The following BLCAP variants were observed in gnomAD, a reference collection of about 807,000 sequenced individuals.
BLCAP encodes the protein apoptosis inducing factor BLCAP.
A neutral mutation model predicts 5.7 loss-of-function variants in BLCAP; 1 was observed. The ratio of observed to expected loss-of-function variants is 0.18; its 90% CI spans 0.06 to 0.83. The LOEUF is 0.83. Among genes scored for constraint, BLCAP ranks in the 40% least tolerant of loss-of-function variants. The pLI, the probability that BLCAP is intolerant of heterozygous loss-of-function variation, is 0.71. For synonymous variants in BLCAP, 48 were observed against 49.4 expected (o/e 0.97, Z 0.11); for missense variants, 66 against 107.6 (o/e 0.61, Z 1.71).
At chr20:37,522,989 G>A in intron 1 of BLCAP, 1 of 486,894 alleles carries the variant, frequency 2.1e-6, no homozygotes, top group South Asian at 3.5e-5. Context: ...CTAAGGGGCA[G>A]GGTCGAGAGA....
intron 1 of BLCAP, among the ~76,000 whole-genome samples, chr20:37,524,195 G>A (rs1296729794): frequency 1.3e-5 from 2 of 152,118 alleles, no homozygotes; most frequent in East Asian, 1.9e-4. Flanking sequence ...GCAGCGTGGC[G>A]CCTTCTTCAC....
At chr20:37,522,379 T>C (rs2147190557) in intron 1 of BLCAP, 1 of 1,613,922 alleles carries the variant, frequency 6.2e-7, no homozygotes, top group Non-Finnish European at 8.5e-7. Flanking sequence ...ATGCTGCATT[T>C]ACTGGGTAGG....
rs935902694 is a variant in BLCAP at position 37,518,096 on chromosome 20, G to C, written c.*815C>G. On this transcript the variant is annotated 3_prime_UTR_variant, in exon 2 of 2. Transcript: ENST00000373537. ...CTCAGCTGGGGACTGCTAGAACTAC[G>C]TGAACACACCATACTTCAATGCTGC... The C allele has an allele frequency of 3.3e-5, 5 of 152,270 alleles. No homozygotes were observed. Among genetic ancestry groups the C allele is most frequent in the Non-Finnish European group, 5.9e-5 (4 of 68,090 alleles). The allele number at this position is 152,270 out of a possible 1,614,324, so 9.4% of individuals were successfully genotyped here.
In BLCAP at chr20:37,527,829, C is replaced by A. The variant is rs1324192736; in HGVS notation, c.-213G>T. 6.6e-6 allele frequency: 1 copy of A among 152,570 alleles called. No homozygotes were observed. The highest frequency in any genetic ancestry group is 2.4e-5 in the African/African-American group (1 of 41,476). The allele number at this position is 152,570 out of a possible 1,614,324, so 9.5% of individuals were successfully genotyped here. On this transcript the variant is annotated 5_prime_UTR_variant, in exon 1 of 2. Transcript: ENST00000373537. The stretch of plus-strand genomic sequence containing the variant: ...GCCATGGCGCCGCCGCCACTGTCGC[C>A]GTCTGCCGCAGCCTGCCTCCACCTC...
chr20:37,527,540 G>A (rs1011938547), intron 1 of BLCAP: 15 of 152,382 alleles, frequency 9.8e-5, no homozygotes, highest in African/African-American at 3.1e-4. Context: ...CTTGGACAAG[G>A]CCAGAGCCAG....
chr20:37,522,633 C>A, intron 1 of BLCAP: 1 of 1,584,164 alleles, frequency 6.3e-7, no homozygotes. Flanking sequence ...TGGGTGCTCT[C>A]CACTAAGGGT....
At chr20:37,522,445 C>T (rs952241675) in intron 1 of BLCAP, 1 of 1,612,558 alleles carries the variant, frequency 6.2e-7, no homozygotes, top group African/African-American at 1.3e-5. Flanking sequence ...TGAGGTATAC[C>T]TAAGTTGTGG....
rs1045750482 is a variant in BLCAP, at chr20:37,521,595, TC to T, written c.-176-2246del. 1.6e-4 allele frequency: 96 copies of T among 591,924 alleles called. No individual in the cohort carries two copies. The African/African-American group carries it at 1.8e-3, about 11-fold the overall frequency. 36.7% of individuals were successfully genotyped at this position (591,924 alleles called of 1,614,324 possible). A position where few individuals can be genotyped will look rare whatever the true frequency, so the allele number is the denominator to read the frequency against. ...TGCGCCGTCCTCCTCGCGCTGACCC[TC>T]CCTAGTGCGCCCGCGCCTGCCAGGG... On this transcript the variant is annotated intron_variant, in intron 1 of 1. Coordinates refer to ENST00000373537, the MANE Select transcript of BLCAP (RefSeq NM_006698.4). This position sits in a 1 kb window ranked among gnomAD's most constrained non-coding sequence, Gnocchi z 4.5.
In BLCAP at chr20:37,517,805, T is replaced by C. The variant is rs890015847; in HGVS notation, c.*1106A>G. The C allele has an allele frequency of 2.0e-5, 3 of 152,636 alleles. No homozygotes were observed. The highest frequency in any genetic ancestry group is 2.0e-4 in the Admixed American group (3 of 15,272). 9.5% of individuals were successfully genotyped at this position (152,636 alleles called of 1,614,324 possible). ...CTGGCGGGAGGATGATGGCCACTGC[T>C]CCCCTCTGTCTTGTCTGAACCACCT... On this transcript the variant is annotated 3_prime_UTR_variant, in exon 2 of 2. Coordinates refer to ENST00000373537, the MANE Select transcript of BLCAP (RefSeq NM_006698.4).
In BLCAP at chr20:37,518,943, A is replaced by G. The variant is rs569419990; in HGVS notation, c.232T>C (p.Ser78Pro). ...CCCACAACGCCGGGATCATGCGCCG[A>G]TTCTGGAAGCGGGGAATCGGAGCAG... is the stretch of plus-strand genomic sequence containing the variant. ...YHCSDSPLPE[S>P]AHDPGVVGT The change falls in exon 2 of 2, where the codon TCG (serine) becomes CCG (proline). Residue 78 changes from serine (S) to proline (P), a missense_variant. Transcript: ENST00000373537. 1.1e-5 allele frequency: 17 copies of G among 1,614,074 alleles called. No individual in the cohort carries two copies. The highest frequency in any genetic ancestry group is 1.2e-5 in the Non-Finnish European group (14 of 1,180,042).
At chr20:37,522,541 C>T in intron 1 of BLCAP, 1 of 1,388,752 alleles carries the variant, frequency 7.2e-7, no homozygotes, top group Non-Finnish European at 9.9e-7. Context: ...GCGCCCGCGC[C>T]CGCCTCTCCA....
rs1378229474 is a variant in BLCAP at position 37,525,914 on chromosome 20, C to T, written c.-177+1879G>A. 1.3e-5 allele frequency among the ~76,000 whole-genome samples: 2 copies of T among 152,174 alleles called. 1 individual carries two copies. The highest frequency in any genetic ancestry group is 4.1e-4 in the South Asian group (2 of 4,830). ...TCGGTTGGGAAGGAATTGGGAATAG[C>T]TCTGTGGGACTCCAGCAACAGGTGA... On this transcript the variant is annotated intron_variant, in intron 1 of 1. Coordinates refer to ENST00000373537, the MANE Select transcript of BLCAP (RefSeq NM_006698.4).
Position 37,521,821 on chromosome 20 carries a change from TA to T in BLCAP, c.-176-2472del. ...TTGCGCATTGCGGAGAAATTTTATTTAAAAAAACATATAGCGCTTGCGGGGG... is the reference window on the plus strand; with the variant it reads ...TTGCGCATTGCGGAGAAATTTTATTTAAAAAACATATAGCGCTTGCGGGGG... On this transcript the variant is annotated intron_variant, in intron 1 of 1. Transcript: ENST00000373537. This position sits in a 1 kb window ranked among gnomAD's most constrained non-coding sequence, Gnocchi z 4.5. 1 of 160,682 alleles carries T rather than the reference TA, an allele frequency of 6.2e-6. No individual in the cohort carries two copies. Among genetic ancestry groups the T allele is most frequent in the Non-Finnish European group, 1.3e-5 (1 of 75,090 alleles). 10.0% of individuals were successfully genotyped at this position (160,682 alleles called of 1,614,324 possible). A position where few individuals can be genotyped will look rare whatever the true frequency, so the allele number is the denominator to read the frequency against.
At chr20:37,526,271 T>TCCCCCCCCCCCCCCCCCCCCCCCCCCC (rs11477433) in intron 1 of BLCAP, among the ~76,000 whole-genome samples, 6 of 125,180 alleles carry the variant, frequency 4.8e-5, no homozygotes, top group African/African-American at 9.1e-5. Context: ...GCAGTTAACT[T>TCCCCCCCCCCCCCCCCCCCCCCCCCCC]CCCCCCCCCA....
At chr20:37,524,027 G>C (rs952493874) in intron 1 of BLCAP, among the ~76,000 whole-genome samples, 15 of 152,124 alleles carry the variant, frequency 9.9e-5, no homozygotes, top group Admixed American at 6.5e-4. Context: ...TGAGAGGAGG[G>C]GAAAAAGGTG....
In BLCAP at chr20:37,519,040, A is replaced by C; in HGVS notation, c.135T>G (p.Ile45Met). The C allele has an allele frequency of 6.2e-7, 1 of 1,614,230 alleles. No individual in the cohort carries two copies. Among genetic ancestry groups the C allele is most frequent in the Non-Finnish European group, 8.5e-7 (1 of 1,180,038 alleles). The change falls in exon 2 of 2, where the codon ATT becomes ATG. Residue 45 changes from isoleucine (I) to methionine (M), a missense_variant. By Grantham distance (10) the Ile-to-Met change is conservative. Coordinates refer to ENST00000373537, the MANE Select transcript of BLCAP (RefSeq NM_006698.4). The stretch of plus-strand genomic sequence containing the variant: ...GGGCTGCCAGGAAAACCAAGGCACA[A>C]ATTGTGCAAGGCTTCCGTTCCAGGA... ...SFLLERKPCT[I>M]CALVFLAALF...
In BLCAP at chr20:37,521,199, C is replaced by T. The variant is rs1292425825; in HGVS notation, c.-176-1849G>A. 4.6e-6 allele frequency: 4 copies of T among 869,034 alleles called. No homozygotes were observed. The highest frequency in any genetic ancestry group is 1.7e-5 in the African/African-American group (1 of 60,402). The allele number at this position is 869,034 out of a possible 1,614,324, so 53.8% of individuals were successfully genotyped here. ...ATAAACACCCCCCAAGGCGCGCATG[C>T]GCACTTAGGTGGCGGGCGGGTACTT... On this transcript the variant is annotated intron_variant, in intron 1 of 1. Transcript: ENST00000373537. The surrounding 1 kb of genome is among the most constrained non-coding windows in gnomAD (Gnocchi z 4.5).
chr20:37,520,822 G>A (rs890518940), intron 1 of BLCAP, among the ~76,000 whole-genome samples: 2 of 152,162 alleles, frequency 1.3e-5, no homozygotes, highest in African/African-American at 4.8e-5. Flanking sequence ...TTCTGAAAGG[G>A]GCACCACGTT....
chr20:37,526,844 A>C (rs1003326158), intron 1 of BLCAP: 3 of 152,234 alleles, frequency 2.0e-5, no homozygotes, highest in Non-Finnish European at 2.9e-5. Flanking sequence ...AACACTTGGC[A>C]TTAGCACTTA....
Sources: gnomAD v4.1 joint callset for allele counts (sites outside exome capture counted in the v4.1 genomes callset) on GRCh38, gnomAD v4.1.1 for gene constraint, Gnocchi (gnomAD v3.1) non-coding constraint, MANE v1.5 for transcripts, NCBI Gene and HGNC (gene_info 2026-07-23, HGNC 2026-07-21) for gene names.